HSDL2: variants seen among roughly 807,000 people sequenced by gnomAD.
HSDL2 encodes hydroxysteroid dehydrogenase like 2.
A neutral mutation model predicts 46.3 loss-of-function variants in HSDL2; 27 were observed. The ratio of observed to expected loss-of-function variants is 0.58; its 90% CI spans 0.43 to 0.80. HSDL2 has a LOEUF of 0.80. Among genes scored for constraint, HSDL2 ranks in the 30% least tolerant of loss-of-function variants. HSDL2 has a pLI of 0.00. For missense variants in HSDL2, 451 were observed against 502.7 expected (o/e 0.90, Z 0.98); for synonymous variants, 153 against 163.6 (o/e 0.94, Z 0.50).
intron 6 of HSDL2, among the ~76,000 whole-genome samples, chr9:112,419,614 C>A (rs780444321): frequency 6.6e-6 from 1 of 152,188 alleles, no homozygotes; most frequent in Non-Finnish European, 1.5e-5. Flanking sequence ...GATTCTCATA[C>A]TTTTGTTTTC....
At chr9:112,381,596 C>T (rs1219004794) in intron 1 of HSDL2, among the ~76,000 whole-genome samples, 1 of 152,080 alleles carries the variant, frequency 6.6e-6, no homozygotes, top group Admixed American at 6.5e-5. Context: ...CCTCGTGATC[C>T]GTCTGCCTCG....
intron 4 of HSDL2, among the ~76,000 whole-genome samples, chr9:112,415,821 A>C (rs1831977150): frequency 6.6e-6 from 1 of 152,206 alleles, no homozygotes; most frequent in Admixed American, 6.5e-5. Flanking sequence ...TTCCCTACAG[A>C]TTTCTGAGCA....
At chr9:112,415,944 T>C (rs990710649) in intron 4 of HSDL2, among the ~76,000 whole-genome samples, 1 of 152,026 alleles carries the variant, frequency 6.6e-6, no homozygotes, top group Non-Finnish European at 1.5e-5. Context: ...CCGTCTCTAC[T>C]AAAAATACAA....
At chr9:112,457,385 C>T (rs1833063477) in intron 9 of HSDL2, among the ~76,000 whole-genome samples, 2 of 152,120 alleles carry the variant, frequency 1.3e-5, no homozygotes, top group Admixed American at 6.6e-5. Context: ...AAATTTTAAA[C>T]GTTGCCTGTA....
chr9:112,407,613 C>T (rs982500853), intron 3 of HSDL2, among the ~76,000 whole-genome samples: 1 of 152,186 alleles, frequency 6.6e-6, no homozygotes, highest in Admixed American at 6.5e-5. Flanking sequence ...GATGGGGTTT[C>T]ACCATGTTGG....
intron 1 of HSDL2, among the ~76,000 whole-genome samples, chr9:112,388,334 G>A (rs1831262048): frequency 6.6e-6 from 1 of 151,866 alleles, no homozygotes; most frequent in African/African-American, 2.4e-5. Flanking sequence ...TGTGGTGCGT[G>A]CCTGTAATCC....
intron 1 of HSDL2, among the ~76,000 whole-genome samples, chr9:112,383,296 C>T (rs2132586169): frequency 6.6e-6 from 1 of 152,264 alleles, no homozygotes; most frequent in South Asian, 2.1e-4. Context: ...TGGTCTCAAA[C>T]TCCTGACCTC....
intron 8 of HSDL2, among the ~76,000 whole-genome samples, chr9:112,450,578 G>T (rs996535754): frequency 2.1e-5 from 3 of 141,370 alleles, no homozygotes; most frequent in African/African-American, 5.3e-5. Flanking sequence ...GCAATGGGCT[G>T]AGATCATGCC....
intron 1 of HSDL2, 95 bp from the exon 2 acceptor site, chr9:112,403,900 G>A: frequency 7.5e-7 from 1 of 1,324,640 alleles, no homozygotes; most frequent in Non-Finnish European, 1.1e-6. Context: ...CACAGAGGAG[G>A]AAACATATAT....
chr9:112,404,030 C>G lies in HSDL2; in HGVS notation c.53C>G (p.Ala18Gly). 1 of 1,614,112 alleles carries G rather than the reference C, an allele frequency of 6.2e-7. No individual in the cohort carries two copies. The highest frequency in any genetic ancestry group is 8.5e-7 in the Non-Finnish European group (1 of 1,179,988). Residue 18 changes from alanine (A) to glycine (G), a missense_variant, in exon 2 of 11, where the codon GCA (alanine) becomes GGA (glycine). Transcript: ENST00000398805. ...GGATGTACAGTTTTTATCACAGGTG[C>G]AAGCCGTGGCATTGGCAAAGCTATT... ...LAGCTVFITG[A>G]SRGIGKAIAL...
chr9:112,409,140 T>C (rs753096082), intron 4 of HSDL2, 119 bp downstream of exon 4: 1 of 551,036 alleles, frequency 1.8e-6, no homozygotes, highest in Non-Finnish European at 3.3e-6. Flanking sequence ...TCAATCCTTA[T>C]AAGGGTCTAA....
intron 1 of HSDL2, among the ~76,000 whole-genome samples, chr9:112,381,029 C>T (rs1831077709): frequency 6.6e-6 from 1 of 151,502 alleles, no homozygotes; most frequent in African/African-American, 2.4e-5. Context: ...AAATCTAGTT[C>T]CCCAGTTACT....
chr9:112,462,946 T>C (rs146224282), intron 10 of HSDL2, among the ~76,000 whole-genome samples: 309 of 152,336 alleles, frequency 2.0e-3, no homozygotes, highest in Non-Finnish European at 2.9e-3. Context: ...TAAAACAGTA[T>C]ATAGTCTTTT....
intron 8 of HSDL2, among the ~76,000 whole-genome samples, chr9:112,452,730 A>G (rs186098960): frequency 1.3e-5 from 2 of 152,334 alleles, no homozygotes; most frequent in Non-Finnish European, 2.9e-5. Context: ...TGGGTGACAA[A>G]GCGAGACTGT....
At chr9:112,415,949 A>G (rs1831980915) in intron 4 of HSDL2, among the ~76,000 whole-genome samples, 1 of 152,132 alleles carries the variant, frequency 6.6e-6, no homozygotes, top group Non-Finnish European at 1.5e-5. Flanking sequence ...TCTACTAAAA[A>G]TACAAAACAT....
chr9:112,457,307 G>C (rs1833060847), intron 9 of HSDL2, among the ~76,000 whole-genome samples: 2 of 152,198 alleles, frequency 1.3e-5, no homozygotes, highest in African/African-American at 4.8e-5. Context: ...AGCTGAAGCA[G>C]TCTCTGCCCC....
rs978380328 is a variant in HSDL2 at position 112,439,277 on chromosome 9, C to T, written c.793+652C>T. ...CCTCCTAAAGTGTTAGGATTACAGG[C>T]GTGAGCCACTGCACCTGGCACAGTA... On this transcript the variant is annotated intron_variant, in intron 7 of 10. Coordinates refer to ENST00000398805, the MANE Select transcript of HSDL2 (RefSeq NM_032303.5). 1.1e-4 allele frequency among the ~76,000 whole-genome samples: 16 copies of T among 152,284 alleles called. No individual in the cohort carries two copies. The South Asian group carries it at 2.9e-3, about 28-fold the overall frequency.
At chr9:112,443,722 C>G (rs1261584209) in intron 8 of HSDL2, among the ~76,000 whole-genome samples, 1 of 152,138 alleles carries the variant, frequency 6.6e-6, no homozygotes, top group Non-Finnish European at 1.5e-5. Flanking sequence ...AGAGCAAGAC[C>G]CTGTCTCAAA....
chr9:112,401,436 GCTCT>G (rs1186982105), intron 1 of HSDL2, among the ~76,000 whole-genome samples: 5 of 77,888 alleles, frequency 6.4e-5, no homozygotes, highest in African/African-American at 2.8e-4. Flanking sequence ...AGCAAGAACC[GCTCT>G]CAAAAAAAAA....
Sources: gnomAD v4.1 joint callset for allele counts (sites outside exome capture counted in the v4.1 genomes callset) on GRCh38, gnomAD v4.1.1 for gene constraint, MANE v1.5 for transcripts, NCBI Gene and HGNC (gene_info 2026-07-23, HGNC 2026-07-21) for gene names.